TOR1A: variants seen among roughly 807,000 people sequenced by gnomAD.
TOR1A encodes torsin family 1 member A.
TOR1A carries 18 observed loss-of-function variants against 31.4 expected under a neutral mutation model. The ratio of observed to expected loss-of-function variants is 0.57; its 90% CI spans 0.40 to 0.85. TOR1A has a LOEUF of 0.85. Among genes scored for constraint, TOR1A ranks in the 40% least tolerant of loss-of-function variants. TOR1A has a pLI of 0.00. For synonymous variants in TOR1A, 168 were observed against 165.9 expected (o/e 1.01, Z -0.10); for missense variants, 375 against 416.4 (o/e 0.90, Z 0.87).
intron 1 of TOR1A, 140 bp from the exon 2 acceptor site, chr9:129,822,986 A>T: frequency 8.0e-7 from 1 of 1,243,302 alleles, no homozygotes; most frequent in South Asian, 1.3e-5. Context: ...GCGGTCTGTA[A>T]GCTCCTGGCC....
intron 2 of TOR1A, among the ~76,000 whole-genome samples, chr9:129,820,259 C>T (rs1328199143): frequency 1.3e-5 from 2 of 152,080 alleles, no homozygotes; most frequent in Non-Finnish European, 2.9e-5. Context: ...GTAGCTGAGA[C>T]TACAGGCACC....
In TOR1A at chr9:129,822,794, T is replaced by C; in HGVS notation, c.231A>G (p.Lys77=). 2 of 1,614,204 alleles carry C rather than the reference T, an allele frequency of 1.2e-6. No homozygotes were observed. The highest frequency in any genetic ancestry group is 1.7e-6 in the Non-Finnish European group (2 of 1,180,040). ...DNLFGQHLAK[K]IILNAVFGFI... ...AACCAAACACGGCATTTAAGATGAT[T>C]TTCTTTGCAAGATGCTGTCCAAAGA... The change falls in exon 2 of 5, where the codon AAA becomes AAG. Residue 77 remains lysine, a synonymous_variant. Coordinates refer to ENST00000351698, the MANE Select transcript of TOR1A (RefSeq NM_000113.3).
intron 2 of TOR1A, among the ~76,000 whole-genome samples, chr9:129,819,695 T>C (rs559270510): frequency 6.6e-6 from 1 of 151,376 alleles, no homozygotes; most frequent in East Asian, 1.9e-4. Flanking sequence ...GAGGCGGAGG[T>C]TGCGGTGAGC....
Position 129,813,661 on chromosome 9 carries a change from C to T in TOR1A, c.*311G>A. 2.2e-6 allele frequency: 1 copy of T among 460,834 alleles called. No homozygotes were observed. Among genetic ancestry groups the T allele is most frequent in the Non-Finnish European group, 3.9e-6 (1 of 253,620 alleles). 28.5% of individuals were successfully genotyped at this position (460,834 alleles called of 1,614,324 possible). ...TTTTCAATAAAACTTATTCATCCTTCCTTGAAACAGAAACACTTGGAATTA... is the reference window on the plus strand; with the variant it reads ...TTTTCAATAAAACTTATTCATCCTTTCTTGAAACAGAAACACTTGGAATTA... On this transcript the variant is annotated 3_prime_UTR_variant, in exon 5 of 5. Coordinates refer to ENST00000351698, the MANE Select transcript of TOR1A (RefSeq NM_000113.3).
intron 2 of TOR1A, 114 bp downstream of exon 2, chr9:129,822,467 G>A: frequency 7.1e-7 from 1 of 1,416,702 alleles, no homozygotes; most frequent in Non-Finnish European, 9.8e-7. Flanking sequence ...ACTGAGACAT[G>A]AACCGTTTTC....
In TOR1A at chr9:129,824,106, G is replaced by A; in HGVS notation, c.-21C>T. The A allele has an allele frequency of 6.4e-7, 1 of 1,550,392 alleles. No homozygotes were observed. Among genetic ancestry groups the A allele is most frequent in the Non-Finnish European group, 8.7e-7 (1 of 1,153,222 alleles). ...TTCATGCCCGGACCCGCGCCACCCT[G>A]CTTGTTCTCGCGCCGACCGCGAACC... On this transcript the variant is annotated 5_prime_UTR_variant, in exon 1 of 5. Coordinates refer to ENST00000351698, the MANE Select transcript of TOR1A (RefSeq NM_000113.3).
chr9:129,822,480 G>A lies in TOR1A; in HGVS notation c.444+101C>T. On this transcript the variant is annotated intron_variant, in intron 2 of 4. Coordinates refer to ENST00000351698, the MANE Select transcript of TOR1A (RefSeq NM_000113.3). ...GAACTGAGACATGAACCGTTTTCCG[G>A]GCTCACTCATTTCAACATAGAACTC... 1.3e-6 allele frequency: 2 copies of A among 1,503,068 alleles called. 1 individual carries two copies. Among genetic ancestry groups the A allele is most frequent in the South Asian group, 2.3e-5 (2 of 85,900 alleles). The allele number at this position is 1,503,068 out of a possible 1,614,324, so 93.1% of individuals were successfully genotyped here. A position where few individuals can be genotyped will look rare whatever the true frequency, so the allele number is the denominator to read the frequency against.
intron 2 of TOR1A, chr9:129,822,201 G>A (rs2031200327): frequency 3.0e-6 from 1 of 329,772 alleles, no homozygotes; most frequent in Non-Finnish European, 5.9e-6. Context: ...GGAGGCAGAG[G>A]TTGCAGTGAG....
Position 129,818,766 on chromosome 9 carries a change from T to C in TOR1A, c.599A>G (p.Lys200Arg). The stretch of plus-strand genomic sequence containing the variant: ...TTACCTGAGAAATATGAACATGGCT[T>C]TCTGGTAGGAGACCCCATCCACCAG... ...YDLVDGVSYQ[K>R]AMFIFLSNAG... Residue 200 changes from lysine (K) to arginine (R), a missense_variant, in exon 3 of 5, where the codon AAA (lysine) becomes AGA (arginine). Lys to Arg is a conservative substitution (Grantham distance 26). Coordinates refer to ENST00000351698, the MANE Select transcript of TOR1A (RefSeq NM_000113.3). 6.2e-7 allele frequency: 1 copy of C among 1,613,312 alleles called. No homozygotes were observed. Among genetic ancestry groups the C allele is most frequent in the Non-Finnish European group, 8.5e-7 (1 of 1,180,018 alleles).
chr9:129,818,721 A>G (rs1237609477), intron 3 of TOR1A, 24 bp downstream of exon 3: 16 of 1,613,774 alleles, frequency 9.9e-6, no homozygotes, highest in Non-Finnish European at 1.4e-5. Flanking sequence ...GGGCCCATCC[A>G]TCATGTCCTA....
chr9:129,822,388 A>G (rs1314499496), intron 2 of TOR1A, 193 bp downstream of exon 2: 2 of 774,772 alleles, frequency 2.6e-6, no homozygotes, highest in African/African-American at 3.4e-5. Context: ...AGAACCCACC[A>G]CAAAGCTTTG....
rs1404979468 is a variant in TOR1A, at chr9:129,823,978, G to A, written c.108C>T (p.Gly36=). The change falls in exon 1 of 5, where the codon GGC becomes GGT. Residue 36 remains glycine, a synonymous_variant. Coordinates refer to ENST00000351698, the MANE Select transcript of TOR1A (RefSeq NM_000113.3). Reference sequence around the variant, plus strand: ...GGCAGTAGAGACGCGGGTAGATGTAGCCGGTGAGGACGCCGGCCAGGGCCA... The same window carrying A: ...GGCAGTAGAGACGCGGGTAGATGTAACCGGTGAGGACGCCGGCCAGGGCCA... ...LGLALAGVLT[G]YIYPRLYCLF... 3 of 1,611,156 alleles carry A rather than the reference G, an allele frequency of 1.9e-6. No individual in the cohort carries two copies. Among genetic ancestry groups the A allele is most frequent in the Non-Finnish European group, 2.5e-6 (3 of 1,179,516 alleles).
chr9:129,823,873 C>CCCAGCCCCAGCCT, intron 1 of TOR1A, 35 bp downstream of exon 1: 1 of 1,540,392 alleles, frequency 6.5e-7, no homozygotes. Context: ...CAGCCCCAGC[C>CCCAGCCCCAGCCT]CCAGCCCCAG....
intron 4 of TOR1A, among the ~76,000 whole-genome samples, chr9:129,815,174 C>T (rs2031004883): frequency 6.6e-6 from 1 of 152,254 alleles, no homozygotes; most frequent in South Asian, 2.1e-4. Context: ...CGTCCCCAAC[C>T]CAAGCTCCTC....
chr9:129,821,777 A>G (rs912901548), intron 2 of TOR1A: 1 of 151,816 alleles, frequency 6.6e-6, no homozygotes. Context: ...GCCTGTAGTC[A>G]CAGCTACTTG....
intron 2 of TOR1A, chr9:129,821,897 G>GAA (rs36012219): frequency 5.9e-5 from 8 of 135,386 alleles, no homozygotes; most frequent in South Asian, 2.3e-4. Context: ...CTGACTCAAA[G>GAA]AAAAAAAAAA....
At chr9:129,822,997 C>T (rs985294416) in intron 1 of TOR1A, 151 bp from the exon 2 acceptor site, 2 of 1,148,246 alleles carry the variant, frequency 1.7e-6, no homozygotes, top group Middle Eastern at 2.7e-4. Flanking sequence ...GCTCCTGGCC[C>T]AGAGGGGACG....
intron 4 of TOR1A, among the ~76,000 whole-genome samples, chr9:129,815,514 G>A (rs1023966192): frequency 6.6e-6 from 1 of 152,238 alleles, no homozygotes; most frequent in Non-Finnish European, 1.5e-5. Flanking sequence ...ATGGAGAGCG[G>A]GAGGTGGAGC....
intron 4 of TOR1A, among the ~76,000 whole-genome samples, chr9:129,816,320 C>T (rs564318765): frequency 3.7e-4 from 56 of 152,302 alleles, no homozygotes; most frequent in African/African-American, 1.3e-3. Flanking sequence ...CCATCCTTAC[C>T]CTGAACCCCA....
Sources: allele counts gnomAD v4.1 joint callset (sites outside exome capture counted in the v4.1 genomes callset), GRCh38; gene constraint gnomAD v4.1.1; transcripts MANE v1.5; gene names NCBI Gene and HGNC (gene_info 2026-07-23, HGNC 2026-07-21).